Variants in PIWIL1 observed in about 807,000 individuals in gnomAD.
The protein encoded by PIWIL1 is piwi like RNA-mediated gene silencing 1.
A neutral mutation model predicts 114.4 loss-of-function variants in PIWIL1; 73 were observed. That is an observed-to-expected ratio of 0.64 (90% CI 0.53 to 0.78). PIWIL1 has a LOEUF of 0.78. PIWIL1 is among the 30% of genes least tolerant of loss of function. The probability of loss-of-function intolerance (pLI) is 0.00; values close to 1 mark genes in which losing one functional copy is unlikely to be tolerated. For synonymous variants in PIWIL1, 375 were observed against 369.0 expected, an observed-to-expected ratio of 1.02 and a Z score of -0.19; for missense variants, 723 against 1,063.1, an observed-to-expected ratio of 0.68 and a Z score of 4.45.
the PIWIL1 span, chr12:130,424,032 C>A: frequency 1.9e-6 from 1 of 538,056 alleles, no homozygotes; most frequent in East Asian, 3.5e-5. The surrounding 1 kb of genome is among the most constrained non-coding windows in gnomAD (Gnocchi z 9.8). Context: ...CGAAAGACAG[C>A]CAGCAAGAGA....
At chr12:130,389,882 G>A in the PIWIL1 span, among the ~76,000 whole-genome samples, 2 of 152,104 alleles carry the variant, frequency 1.3e-5, no homozygotes, top group South Asian at 2.1e-4. Context: ...CAAGCTTGTC[G>A]TGCTTTCATT....
Position 130,346,434 on chromosome 12 carries a change from G to A in PIWIL1, c.381G>A (p.Trp127Ter). Residue 127 changes from tryptophan (W) to a stop codon, truncating the protein, a stop_gained, in exon 5 of 21, where the codon TGG becomes TGA. Coordinates refer to ENST00000245255, the MANE Select transcript of PIWIL1 (RefSeq NM_004764.5). LOFTEE classifies it high-confidence loss of function. ...NHFRLTSRPQ[W>*]ALYQYHIDYN... Reference sequence around the variant, plus strand: ...TCCGGCTGACATCCCGTCCCCAGTGGGCCTTATATCAGTATCACATTGACT... The same window carrying A: ...TCCGGCTGACATCCCGTCCCCAGTGAGCCTTATATCAGTATCACATTGACT... 1 of 1,614,066 alleles carries A rather than the reference G, an allele frequency of 6.2e-7. No individual in the cohort carries two copies. Among genetic ancestry groups the A allele is most frequent in the Non-Finnish European group, 8.5e-7 (1 of 1,179,966 alleles).
At position 130,342,576 on chromosome 12, in the gene PIWIL1, C is replaced by A. The variant is rs763825807; in HGVS notation, c.-12-4C>A. 3 of 1,586,696 alleles carry A rather than the reference C, an allele frequency of 1.9e-6. No individual in the cohort carries two copies. The highest frequency in any genetic ancestry group is 1.7e-4 in the Middle Eastern group (1 of 6,006). On this transcript the variant is annotated splice_region_variant and splice_polypyrimidine_tract_variant and intron_variant, in intron 1 of 20. Transcript: ENST00000245255. ...TATTGTCTTCAAGATTGTTTCCTCT[C>A]CAGAAATAGAAAACAATGACTGGGA...
At chr12:130,397,371 G>A in the PIWIL1 span, 1 of 398,976 alleles carries the variant, frequency 2.5e-6, no homozygotes, top group Non-Finnish European at 4.4e-6. Context: ...TCATTTCACT[G>A]CACCCAGCTT....
At chr12:130,355,836 G>C (rs927671438) in intron 12 of PIWIL1, among the ~76,000 whole-genome samples, 169 bp downstream of exon 12, 10 of 152,124 alleles carry the variant, frequency 6.6e-5, no homozygotes, top group Non-Finnish European at 7.3e-5. Flanking sequence ...TAAAGCAAGT[G>C]GGAAGAACTG....
chr12:130,346,497 T>A lies in PIWIL1; in HGVS notation c.444T>A (p.Ala148=), dbSNP rs767141567. 3.1e-6 allele frequency: 5 copies of A among 1,614,140 alleles called. No homozygotes were observed. The highest frequency in any genetic ancestry group is 2.2e-5 in the South Asian group (2 of 91,084). The stretch of plus-strand genomic sequence containing the variant: ...TGGAAGCCAGAAGACTCCGTTCAGC[T>A]CTTCTTTTTCAACACGAAGATCTAA... ...PLMEARRLRS[A]LLFQHEDLIG... Residue 148 remains alanine, a synonymous_variant, in exon 5 of 21, where the codon GCT becomes GCA. Coordinates refer to ENST00000245255, the MANE Select transcript of PIWIL1 (RefSeq NM_004764.5).
At chr12:130,418,995 G>A in the PIWIL1 span, among the ~76,000 whole-genome samples, 1 of 152,216 alleles carries the variant, frequency 6.6e-6, no homozygotes, top group Non-Finnish European at 1.5e-5. Context: ...GTAGAGGTGG[G>A]TGGAGCACTT....
At chr12:130,378,031 T>C in the PIWIL1 span, among the ~76,000 whole-genome samples, 2 of 152,386 alleles carry the variant, frequency 1.3e-5, no homozygotes, top group South Asian at 4.1e-4. Flanking sequence ...AGGTCTAGTT[T>C]ATTTACATAA....
At chr12:130,414,253 C>G in the PIWIL1 span, 1 of 1,612,926 alleles carries the variant, frequency 6.2e-7, no homozygotes, top group East Asian at 2.2e-5. Flanking sequence ...GCACCAGGGT[C>G]AGTTTCTGAC....
chr12:130,412,317 A>G, the PIWIL1 span, among the ~76,000 whole-genome samples: 1 of 152,188 alleles, frequency 6.6e-6, no homozygotes, highest in South Asian at 2.1e-4. Context: ...AAAGCAGCTA[A>G]TCATGTGTTT....
At chr12:130,406,127 A>G in the PIWIL1 span, 1 of 1,239,384 alleles carries the variant, frequency 8.1e-7, no homozygotes, top group South Asian at 1.3e-5. Flanking sequence ...AAATAAATGA[A>G]AATACAAAAA....
chr12:130,389,593 T>C, the PIWIL1 span, among the ~76,000 whole-genome samples: 151 of 152,308 alleles, frequency 9.9e-4, no homozygotes, highest in African/African-American at 3.3e-3. Flanking sequence ...ACTTCATCTT[T>C]ATAAAATCGG....
Position 130,361,267 on chromosome 12 carries a change from T to C in PIWIL1, c.1753T>C (p.Cys585Arg). ...LCTDCPTPSQ[C>R]VVARTLGKQQ... ...TACAGATTGCCCTACCCCAAGTCAG[T>C]GTGTGGTGGCCCGAACCTTAGGCAA... The change falls in exon 15 of 21, where the codon TGT becomes CGT. Residue 585 changes from cysteine to arginine, a missense_variant. Cys to Arg is a radical substitution (Grantham distance 180). Around this residue, in one of 8 missense-constraint regions of PIWIL1, gnomAD observed 298 missense variants for 420.8 expected, o/e 0.71. Transcript: ENST00000245255. The C allele has an allele frequency of 1.2e-6, 2 of 1,614,136 alleles. No individual in the cohort carries two copies. Among genetic ancestry groups the C allele is most frequent in the South Asian group, 1.1e-5 (1 of 91,064 alleles).
At chr12:130,420,302 G>A in the PIWIL1 span, among the ~76,000 whole-genome samples, 8 of 152,054 alleles carry the variant, frequency 5.3e-5, no homozygotes, top group East Asian at 1.9e-4. The surrounding 1 kb of genome is among the most constrained non-coding windows in gnomAD (Gnocchi z 4.3). Flanking sequence ...GTGGTGTCCC[G>A]GCTTGCTACA....
chr12:130,384,187 A>G, the PIWIL1 span, among the ~76,000 whole-genome samples: 1 of 152,256 alleles, frequency 6.6e-6, no homozygotes, highest in African/African-American at 2.4e-5. Flanking sequence ...TGAAGACAGT[A>G]ACCCTCAAAC....
chr12:130,379,959 C>A, the PIWIL1 span, among the ~76,000 whole-genome samples: 1 of 74,090 alleles, frequency 1.3e-5, no homozygotes, highest in Admixed American at 1.3e-4. Context: ...CTTCAACTCC[C>A]TAATCCCAAT....
At chr12:130,367,305 G>A in intron 19 of PIWIL1, 47 bp downstream of exon 19, 1 of 1,572,014 alleles carries the variant, frequency 6.4e-7, no homozygotes, top group Non-Finnish European at 8.7e-7. Flanking sequence ...CTTGGTGGTG[G>A]TTTCTTTAGC....
chr12:130,418,637 G>C, the PIWIL1 span, among the ~76,000 whole-genome samples: 1 of 152,190 alleles, frequency 6.6e-6, no homozygotes, highest in Admixed American at 6.5e-5. Context: ...AGTTTATGTG[G>C]CAAGTTTGTG....
chr12:130,341,400 A>T (rs1361237445), intron 1 of PIWIL1, among the ~76,000 whole-genome samples: 2 of 152,272 alleles, frequency 1.3e-5, no homozygotes, highest in Non-Finnish European at 2.9e-5. Flanking sequence ...AACAAGTGTT[A>T]GAGAATTCTA....
Sources: allele counts gnomAD v4.1 joint callset (sites outside exome capture counted in the v4.1 genomes callset), GRCh38; gene constraint gnomAD v4.1.1; regional missense constraint gnomAD v4.1.1; non-coding constraint Gnocchi (gnomAD v3.1); transcripts MANE v1.5; gene names NCBI Gene and HGNC (gene_info 2026-07-23, HGNC 2026-07-21).